The following PCDH7 variants were observed in gnomAD, a reference collection of about 807,000 sequenced individuals.
PCDH7 encodes the protein protocadherin-7.
In PCDH7, 17 loss-of-function variants were observed where a neutral mutation model predicts 58.9. The observed-to-expected ratio is 0.29, with a 90% CI of 0.20 to 0.43. The LOEUF is 0.43. Ranked by LOEUF, PCDH7 falls within the 20% of genes least tolerant of loss-of-function variation. The pLI, the probability that PCDH7 is intolerant of heterozygous loss-of-function variation, is 1.00. For synonymous variants in PCDH7, 664 were observed against 616.4 expected (o/e 1.08, Z -1.14); for missense variants, 1,274 against 1,441.0 (o/e 0.88, Z 1.88).
At chr4:31,057,669 C>T (rs1757361488) in intron 3 of PCDH7, among the ~76,000 whole-genome samples, 1 of 152,078 alleles carries the variant, frequency 6.6e-6, no homozygotes, top group Admixed American at 6.6e-5. Context: ...CATTTAAATA[C>T]ATTGTTTAAA....
intron 3 of PCDH7, among the ~76,000 whole-genome samples, chr4:30,984,590 G>A (rs938754459): frequency 6.6e-6 from 1 of 152,142 alleles, no homozygotes; most frequent in Non-Finnish European, 1.5e-5. Flanking sequence ...CCCAAAGAAA[G>A]GGTAAAACTT....
intron 1 of PCDH7, among the ~76,000 whole-genome samples, chr4:30,783,414 A>G (rs1419740445): frequency 1.3e-5 from 2 of 152,220 alleles, no homozygotes; most frequent in Non-Finnish European, 2.9e-5. Flanking sequence ...ACATTAGACA[A>G]GGAAAAAGAT....
chr4:30,850,736 C>A (rs1383930956), intron 1 of PCDH7, among the ~76,000 whole-genome samples: 4 of 152,094 alleles, frequency 2.6e-5, no homozygotes, highest in African/African-American at 9.7e-5. Context: ...TACCAGACAC[C>A]AGTCTAGCCT....
chr4:30,992,251 G>A (rs1467239726), intron 3 of PCDH7, among the ~76,000 whole-genome samples: 1 of 152,160 alleles, frequency 6.6e-6, no homozygotes. Flanking sequence ...GTCATATGAT[G>A]CAACATGTCC....
chr4:31,090,865 T>C (rs971762691), intron 3 of PCDH7, among the ~76,000 whole-genome samples: 34 of 152,060 alleles, frequency 2.2e-4, no homozygotes, highest in African/African-American at 7.5e-4. Flanking sequence ...AGAATACCTA[T>C]GAAAAGTGTT....
At position 31,079,355 on chromosome 4, in the gene PCDH7, TATATATATAC is replaced by T. The variant is rs1478641107; in HGVS notation, c.*8-63116_*8-63107del. 1.1e-3 allele frequency among the ~76,000 whole-genome samples: 100 copies of T among 91,198 alleles called. 4 individuals are homozygous for T. Among genetic ancestry groups the T allele is most frequent in the Middle Eastern group, 5.1e-3 (1 of 198 alleles). 59.8% of individuals were successfully genotyped at this position (91,198 alleles called of 152,430 possible). On this transcript the variant is annotated intron_variant, in intron 3 of 3. Coordinates refer to the PCDH7 transcript ENST00000509759. ...ATATATATATATATATATATATATA[TATATATATAC>T]ACCACATTTTCAAAATAGACAGAAT...
At chr4:31,125,346 G>A (rs1718173578) in intron 3 of PCDH7, among the ~76,000 whole-genome samples, 1 of 152,144 alleles carries the variant, frequency 6.6e-6, no homozygotes, top group African/African-American at 2.4e-5. Context: ...CTTATTTAAA[G>A]CTAAGACTTT....
At chr4:31,138,696 T>C (rs1719902596) in intron 3 of PCDH7, among the ~76,000 whole-genome samples, 1 of 152,106 alleles carries the variant, frequency 6.6e-6, no homozygotes, top group African/African-American at 2.4e-5. Context: ...GCTAGTTTGA[T>C]GGCTTAAAAA....
At chr4:30,793,254 C>T (rs1724360351) in intron 1 of PCDH7, among the ~76,000 whole-genome samples, 1 of 152,062 alleles carries the variant, frequency 6.6e-6, no homozygotes, top group African/African-American at 2.4e-5. Context: ...CTTTCAATAG[C>T]CCACTTTAAT....
intron 3 of PCDH7, among the ~76,000 whole-genome samples, chr4:30,995,711 G>C (rs969423720): frequency 7.9e-5 from 12 of 152,250 alleles, no homozygotes; most frequent in African/African-American, 2.6e-4. Context: ...CTCTAATGGA[G>C]AGAATCCCTT....
chr4:30,795,096 C>A (rs1262151600), intron 1 of PCDH7, among the ~76,000 whole-genome samples: 1 of 152,142 alleles, frequency 6.6e-6, no homozygotes, highest in Non-Finnish European at 1.5e-5. Flanking sequence ...CGATATGGAT[C>A]AGTCTTTGAG....
At chr4:30,913,109 T>A (rs1741999516) in intron 1 of PCDH7, among the ~76,000 whole-genome samples, 2 of 151,556 alleles carry the variant, frequency 1.3e-5, no homozygotes, top group Admixed American at 6.6e-5. Flanking sequence ...TCCAAATAGG[T>A]AACACCTGTG....
intron 3 of PCDH7, among the ~76,000 whole-genome samples, chr4:31,050,613 G>T (rs1053977787): frequency 5.7e-4 from 86 of 152,134 alleles, no homozygotes; most frequent in African/African-American, 2.0e-3. Context: ...GATGTAAAAA[G>T]ATTTTATGGT....
chr4:30,837,467 T>G (rs1190083240), intron 1 of PCDH7, among the ~76,000 whole-genome samples: 2 of 140,860 alleles, frequency 1.4e-5, no homozygotes, highest in African/African-American at 2.6e-5. Context: ...GTTGTGTCAT[T>G]AAAAAAAAAA....
chr4:31,081,866 G>A (rs925549781), intron 3 of PCDH7, among the ~76,000 whole-genome samples: 2 of 151,334 alleles, frequency 1.3e-5, no homozygotes, highest in Non-Finnish European at 2.9e-5. Context: ...TCTGCCTCCT[G>A]GGTTCAAGCA....
intron 1 of PCDH7, among the ~76,000 whole-genome samples, chr4:30,910,749 G>A (rs1350994296): frequency 6.6e-6 from 1 of 152,160 alleles, no homozygotes; most frequent in Non-Finnish European, 1.5e-5. Flanking sequence ...AGACAGGGTG[G>A]TGATTCCTCA....
At chr4:30,808,355 A>G (rs1035681659) in intron 1 of PCDH7, among the ~76,000 whole-genome samples, 1 of 152,218 alleles carries the variant, frequency 6.6e-6, no homozygotes, top group African/African-American at 2.4e-5. Context: ...AAACCAAAAA[A>G]TAAATAAATA....
chr4:31,022,497 A>G (rs946166298), intron 3 of PCDH7, among the ~76,000 whole-genome samples: 2 of 152,186 alleles, frequency 1.3e-5, no homozygotes, highest in African/African-American at 4.8e-5. Flanking sequence ...AGAATAATGC[A>G]TGACTGAATA....
chr4:30,771,289 T>G (rs1721363858), intron 1 of PCDH7, among the ~76,000 whole-genome samples: 1 of 152,210 alleles, frequency 6.6e-6, no homozygotes. Context: ...ATTAGGATTA[T>G]AGGGAAACTC....
Sources: allele counts gnomAD v4.1 joint callset (sites outside exome capture counted in the v4.1 genomes callset), GRCh38; gene constraint gnomAD v4.1.1; transcripts MANE v1.5; gene names NCBI Gene and HGNC (gene_info 2026-07-23, HGNC 2026-07-21).